Variants in PATL1 observed in about 807,000 individuals in gnomAD.
PATL1 encodes PAT1 homolog 1, processing body mRNA decay factor, also known as protein PAT1 homolog 1.
PATL1 carries 32 observed loss-of-function variants against 100.6 expected under a neutral mutation model. That is an observed-to-expected ratio of 0.32 (90% confidence interval 0.24 to 0.43). PATL1 has a LOEUF of 0.43. Ranked by LOEUF, PATL1 falls within the 20% of genes least tolerant of loss-of-function variation. PATL1 has a pLI of 1.00. For missense variants in PATL1, 747 were observed against 949.9 expected, an observed-to-expected ratio of 0.79 and a Z score of 2.81; for synonymous variants, 332 against 330.0, an observed-to-expected ratio of 1.01 and a Z score of -0.07.
intron 1 of PATL1, among the ~76,000 whole-genome samples, chr11:59,667,703 T>C (rs547434184): frequency 6.6e-6 from 1 of 152,352 alleles, no homozygotes; most frequent in South Asian, 2.1e-4. Context: ...ATACCAACTA[T>C]GGCAGAGAGT....
intron 13 of PATL1, among the ~76,000 whole-genome samples, chr11:59,650,174 T>C (rs1439883423): frequency 7.1e-6 from 1 of 141,756 alleles, no homozygotes; most frequent in Non-Finnish European, 1.5e-5. Context: ...ACTACTACTA[T>C]CATCTCCATT....
intron 14 of PATL1, among the ~76,000 whole-genome samples, chr11:59,649,099 A>G (rs1861403873): frequency 1.3e-5 from 2 of 152,234 alleles, no homozygotes; most frequent in Non-Finnish European, 2.9e-5. Context: ...GATCTTAGTA[A>G]TAAAGGAAAT....
At chr11:59,639,461 T>A (rs1861243707) in intron 16 of PATL1, 78 bp from the exon 17 acceptor site, 1 of 1,090,404 alleles carries the variant, frequency 9.2e-7, no homozygotes, top group Admixed American at 2.1e-5. Flanking sequence ...GATCCTGGCA[T>A]CAGATGGGGA....
At chr11:59,653,459 A>G (rs1291639741) in intron 9 of PATL1, among the ~76,000 whole-genome samples, 1 of 152,222 alleles carries the variant, frequency 6.6e-6, no homozygotes, top group African/African-American at 2.4e-5. Context: ...AAATCACGAA[A>G]TATTTCAAAT....
At position 59,659,142 on chromosome 11, in the gene PATL1, A is replaced by G. The variant is rs147345698; in HGVS notation, c.345+110T>C. Reference sequence around the variant, plus strand: ...TCAGGAAATATATTATCAATTTTCTATGGTATATGTAAATCTCTCATTATA... The same window carrying G: ...TCAGGAAATATATTATCAATTTTCTGTGGTATATGTAAATCTCTCATTATA... On this transcript the variant is annotated intron_variant, in intron 3 of 18. Coordinates refer to ENST00000300146, the MANE Select transcript of PATL1 (RefSeq NM_152716.3). 6,080 of 1,020,034 alleles carry G rather than the reference A, an allele frequency of 6.0e-3. 30 individuals are homozygous for G. Among genetic ancestry groups the G allele is most frequent in the Non-Finnish European group, 7.6e-3 (5,264 of 693,912 alleles). 63.2% of individuals were successfully genotyped at this position (1,020,034 alleles called of 1,614,324 possible).
At chr11:59,642,601 A>G (rs1466339732) in intron 16 of PATL1, 1 of 272,060 alleles carries the variant, frequency 3.7e-6, no homozygotes, top group African/African-American at 2.2e-5. Context: ...ATGAACATGG[A>G]AGCCACTGGT....
chr11:59,655,787 C>T, intron 7 of PATL1, 47 bp from the exon 8 acceptor site: 2 of 1,503,422 alleles, frequency 1.3e-6, no homozygotes, highest in Non-Finnish European at 1.8e-6. Context: ...AGCAAGTCCC[C>T]TTGCTTTTGT....
chr11:59,649,647 G>T, intron 13 of PATL1, 37 bp from the exon 14 acceptor site: 1 of 1,594,702 alleles, frequency 6.3e-7, no homozygotes, highest in Non-Finnish European at 8.6e-7. Context: ...CAGCATGCTA[G>T]GTCAGAACCA....
chr11:59,639,143 G>T lies in PATL1; in HGVS notation c.2196C>A (p.Ala732=). The part of the protein sequence containing the change: ...TRELLRIPQA[A]LAKPISIPTN... ...TAGGTATAGAGATTGGCTTGGCCAG[G>T]GCTGCTTGGGGAATCCGCAGAAGTT... Residue 732 remains alanine (A), a synonymous_variant, in exon 18 of 19, where the codon GCC becomes GCA. Coordinates refer to ENST00000300146, the MANE Select transcript of PATL1 (RefSeq NM_152716.3). The T allele has an allele frequency of 6.2e-7, 1 of 1,613,988 alleles. No individual in the cohort carries two copies. The highest frequency in any genetic ancestry group is 8.5e-7 in the Non-Finnish European group (1 of 1,179,896).
rs774695881 is a variant in PATL1 at position 59,655,750 on chromosome 11, GGAA to G, written c.814-13_814-11del. 11 of 1,573,386 alleles carry G rather than the reference GGAA, an allele frequency of 7.0e-6. No individual in the cohort carries two copies. The highest frequency in any genetic ancestry group is 2.3e-5 in the South Asian group (2 of 85,956). On this transcript the variant is annotated splice_polypyrimidine_tract_variant and intron_variant, in intron 7 of 18. Coordinates refer to ENST00000300146, the MANE Select transcript of PATL1 (RefSeq NM_152716.3). ...TCCGTCCAGGCTGTAGCTACAAAGA[GGAA>G]GAAGATCTTAGATTTAGACAATCAG...
intron 3 of PATL1, 117 bp downstream of exon 3, chr11:59,659,135 A>G (rs1364385782): frequency 5.9e-6 from 6 of 1,014,176 alleles, no homozygotes; most frequent in Non-Finnish European, 8.7e-6. Context: ...TATATTATCA[A>G]TTTTCTATGG....
intron 15 of PATL1, among the ~76,000 whole-genome samples, chr11:59,646,701 C>A (rs1379771093): frequency 6.6e-6 from 1 of 152,180 alleles, no homozygotes; most frequent in Non-Finnish European, 1.5e-5. Context: ...CAGGTTCACT[C>A]CCATATATTC....
At chr11:59,658,116 A>T (rs1341460207) in intron 4 of PATL1, among the ~76,000 whole-genome samples, 1 of 151,716 alleles carries the variant, frequency 6.6e-6, no homozygotes, top group Non-Finnish European at 1.5e-5. Flanking sequence ...GAGAGCTATG[A>T]CTGTACCAGT....
intron 16 of PATL1, among the ~76,000 whole-genome samples, chr11:59,641,785 G>GAA (rs542237167): frequency 1.3e-5 from 2 of 151,720 alleles, no homozygotes; most frequent in South Asian, 4.2e-4. Context: ...GTTATTCTCA[G>GAA]AAAAAAAATA....
chr11:59,661,258 A>AT (rs1337554509), intron 2 of PATL1, among the ~76,000 whole-genome samples: 2 of 151,886 alleles, frequency 1.3e-5, no homozygotes, highest in Non-Finnish European at 2.9e-5. Context: ...GCTAATTTTT[A>AT]TATTTTTTGT....
intron 15 of PATL1, among the ~76,000 whole-genome samples, chr11:59,645,500 G>C (rs923844304): frequency 1.3e-5 from 2 of 150,384 alleles, no homozygotes; most frequent in Admixed American, 6.6e-5. Context: ...CATTTCTTTT[G>C]TATTTATTAG....
intron 13 of PATL1, among the ~76,000 whole-genome samples, chr11:59,650,275 A>AT (rs1486729526): frequency 3.9e-5 from 6 of 152,228 alleles, no homozygotes; most frequent in Non-Finnish European, 7.3e-5. Flanking sequence ...CATGATTTGC[A>AT]GCTTGGTTCT....
Position 59,652,994 on chromosome 11 carries a change from C to A in PATL1, c.1146G>T (p.Ala382=). 6.2e-7 allele frequency: 1 copy of A among 1,613,328 alleles called. No homozygotes were observed. The highest frequency in any genetic ancestry group is 1.1e-5 in the South Asian group (1 of 91,052). ...TGCTCCGGTGACTTCCTCTATCTCC[C>A]GCACCATTGAGATTCCGATGCTGAC... ...NRSQHRNLNG[A]GDRGSHRSSH... is the part of the protein sequence containing the mutation. Residue 382 remains alanine, a synonymous_variant, in exon 10 of 19, where the codon GCG becomes GCT. Transcript: ENST00000300146.
At chr11:59,646,755 T>C (rs1861370730) in intron 15 of PATL1, among the ~76,000 whole-genome samples, 1 of 152,236 alleles carries the variant, frequency 6.6e-6, no homozygotes, top group South Asian at 2.1e-4. Flanking sequence ...TTGTCCCACT[T>C]TTATCAGTTT....
Sources: allele counts gnomAD v4.1 joint callset (sites outside exome capture counted in the v4.1 genomes callset), GRCh38; gene constraint gnomAD v4.1.1; transcripts MANE v1.5; gene names NCBI Gene and HGNC (gene_info 2026-07-23, HGNC 2026-07-21).